The following ATP11A variants were observed in gnomAD, a reference collection of about 807,000 sequenced individuals.
The protein encoded by ATP11A is ATPase phospholipid transporting 11A.
In ATP11A, 81 loss-of-function variants were observed where a neutral mutation model predicts 154.4. The observed-to-expected ratio is 0.52, with a 90% CI of 0.44 to 0.63. The LOEUF is 0.63. Ranked by LOEUF, ATP11A falls within the 30% of genes least tolerant of loss-of-function variation. ATP11A has a pLI of 0.00. For missense variants in ATP11A, 1,316 were observed against 1,474.3 expected, an observed-to-expected ratio of 0.89 and a Z score of 1.76; for synonymous variants, 623 against 585.9, an observed-to-expected ratio of 1.06 and a Z score of -0.91.
At chr13:112,704,931 C>T (rs1886974208) in intron 1 of ATP11A, among the ~76,000 whole-genome samples, 1 of 152,140 alleles carries the variant, frequency 6.6e-6, no homozygotes, top group South Asian at 2.1e-4. Context: ...TCAGCGGGAC[C>T]CCTGGTGTGG....
intron 1 of ATP11A, among the ~76,000 whole-genome samples, chr13:112,726,349 G>C (rs1889890863): frequency 6.6e-6 from 1 of 151,570 alleles, no homozygotes; most frequent in African/African-American, 2.4e-5. Context: ...GGCACTGCAT[G>C]CGTGCAGGGA....
chr13:112,709,341 A>G (rs1031995374), intron 1 of ATP11A, among the ~76,000 whole-genome samples: 1 of 152,232 alleles, frequency 6.6e-6, no homozygotes, highest in African/African-American at 2.4e-5. Context: ...TTTCCTTGTC[A>G]TACCTTGAAA....
intron 2 of ATP11A, among the ~76,000 whole-genome samples, chr13:112,796,862 G>A (rs1357171275): frequency 2.0e-5 from 3 of 151,980 alleles, no homozygotes; most frequent in Admixed American, 6.6e-5. Flanking sequence ...CTGACGTGGT[G>A]TGCAAAGGAC....
chr13:112,873,799 C>A, intron 27 of ATP11A, 123 bp downstream of exon 27: 2 of 912,952 alleles, frequency 2.2e-6, no homozygotes, highest in Non-Finnish European at 3.4e-6. Context: ...TGTTGAATGG[C>A]TGCTGTGTGC....
At position 112,807,029 on chromosome 13, in the gene ATP11A, G is replaced by A. The variant is rs780607724; in HGVS notation, c.333+736G>A. Among the ~76,000 whole-genome samples the A allele has an allele frequency of 6.6e-6, 1 of 152,232 alleles. No homozygotes were observed. Among genetic ancestry groups the A allele is most frequent in the Non-Finnish European group, 1.5e-5 (1 of 68,040 alleles). On this transcript the variant is annotated intron_variant, in intron 4 of 29. Coordinates refer to ENST00000375645, the MANE Select transcript of ATP11A (RefSeq NM_015205.3). This position sits in a 1 kb window ranked among gnomAD's most constrained non-coding sequence, Gnocchi z 4.5. ...ATACCTGGCATTTTGTGTATCACGC[G>A]TCCTCTGTGGATGGACATTTGGGGT...
intron 25 of ATP11A, among the ~76,000 whole-genome samples, chr13:112,868,042 T>C (rs2080394476): frequency 6.6e-6 from 1 of 152,236 alleles, no homozygotes; most frequent in Non-Finnish European, 1.5e-5. Context: ...AGTTCACCAA[T>C]GGAGCATTTT....
chr13:112,729,455 G>A (rs1015239561), intron 1 of ATP11A, among the ~76,000 whole-genome samples: 2 of 150,356 alleles, frequency 1.3e-5, no homozygotes, highest in Admixed American at 6.6e-5. Flanking sequence ...TTCCCACCTC[G>A]GCATTGCAGG....
chr13:112,844,896 GCGGTACTAGTCCAGTTAC>G (rs1196219238), intron 17 of ATP11A, among the ~76,000 whole-genome samples: 4 of 151,428 alleles, frequency 2.6e-5, no homozygotes, highest in African/African-American at 4.9e-5. Context: ...CCGACTGCTA[GCGGTACTAGTCCAGTTAC>G]TGGGCACTAG....
At chr13:112,720,445 C>T (rs965587181) in intron 1 of ATP11A, among the ~76,000 whole-genome samples, 2 of 152,184 alleles carry the variant, frequency 1.3e-5, no homozygotes, top group African/African-American at 4.8e-5. Context: ...CTGTGGGGTG[C>T]GTTCACCTTC....
chr13:112,784,620 T>G (rs189766188), intron 1 of ATP11A, among the ~76,000 whole-genome samples: 66 of 152,028 alleles, frequency 4.3e-4, no homozygotes, highest in African/African-American at 1.5e-3. Flanking sequence ...CCTCCCGGGT[T>G]CACGCCATTC....
intron 20 of ATP11A, 139 bp from the exon 21 acceptor site, chr13:112,857,679 G>A (rs2079969613): frequency 4.4e-6 from 3 of 674,742 alleles, no homozygotes; most frequent in South Asian, 3.8e-5. Context: ...CAGACAGAAT[G>A]TCGTAAATTA....
chr13:112,819,509 G>A lies in ATP11A; in HGVS notation c.674+102G>A, dbSNP rs2078738435. The A allele has an allele frequency of 6.2e-6, 6 of 974,426 alleles. No homozygotes were observed. The East Asian group carries it at 1.5e-4, about 25-fold the overall frequency. 60.4% of individuals were successfully genotyped at this position (974,426 alleles called of 1,614,324 possible). A position where few individuals can be genotyped will look rare whatever the true frequency, so the allele number is the denominator to read the frequency against. On this transcript the variant is annotated intron_variant, in intron 7 of 29. Transcript: ENST00000375645. ...GTCCAGCCATGTGGTGGTTTGGAAA[G>A]AGAATGTAAATCACTGCTTAAAGAT...
At chr13:112,844,218 G>A (rs2079510177) in intron 17 of ATP11A, among the ~76,000 whole-genome samples, 2 of 152,200 alleles carry the variant, frequency 1.3e-5, no homozygotes, top group Non-Finnish European at 2.9e-5. Flanking sequence ...CATGGCCTGA[G>A]TACCAAATAT....
chr13:112,843,116 G>A (rs1285359663), intron 17 of ATP11A, among the ~76,000 whole-genome samples: 2 of 151,110 alleles, frequency 1.3e-5, no homozygotes, highest in Non-Finnish European at 1.5e-5. Context: ...GCCGAGCGAC[G>A]CATGGTTGGG....
At chr13:112,853,674 C>G (rs1011478007) in intron 18 of ATP11A, among the ~76,000 whole-genome samples, 5 of 152,190 alleles carry the variant, frequency 3.3e-5, no homozygotes, top group African/African-American at 1.2e-4. Context: ...AGCGTCCTTA[C>G]TCGTGACATC....
chr13:112,854,460 GA>G lies in ATP11A; in HGVS notation c.2174del (p.Asp725AlafsTer6). ...TKRIEEQSLH[D>X]VLFELSKTVL... Reference sequence around the variant, plus strand: ...GAGGATCGAGGAGCAGAGCCTGCACGACGTCCTGTTCGAGCTGAGCAAGACG... The same window carrying G: ...GAGGATCGAGGAGCAGAGCCTGCACGCGTCCTGTTCGAGCTGAGCAAGACG... On this transcript the variant is annotated frameshift_variant, in exon 19 of 30. Transcript: ENST00000375645. LOFTEE classifies it high-confidence loss of function. 6.2e-7 allele frequency: 1 copy of G among 1,612,748 alleles called. No homozygotes were observed. The highest frequency in any genetic ancestry group is 2.2e-5 in the East Asian group (1 of 44,860).
intron 1 of ATP11A, among the ~76,000 whole-genome samples, chr13:112,732,088 G>A (rs1033741846): frequency 6.6e-6 from 1 of 152,096 alleles, no homozygotes; most frequent in Non-Finnish European, 1.5e-5. Flanking sequence ...GCATGAGTTC[G>A]GTCCTGTCGG....
At chr13:112,836,286 T>C (rs778170818) in intron 16 of ATP11A, 35 bp downstream of exon 16, 6 of 1,366,126 alleles carry the variant, frequency 4.4e-6, no homozygotes, top group Non-Finnish European at 6.2e-6. Context: ...TATTAAGTTA[T>C]ACGTGGTGGT....
chr13:112,703,011 G>T (rs530031058), intron 1 of ATP11A, among the ~76,000 whole-genome samples: 1 of 152,366 alleles, frequency 6.6e-6, no homozygotes, highest in East Asian at 1.9e-4. Context: ...GCTTGTTGCT[G>T]AGATTACAAA....
Sources: allele counts gnomAD v4.1 joint callset (sites outside exome capture counted in the v4.1 genomes callset), GRCh38; gene constraint gnomAD v4.1.1; non-coding constraint Gnocchi (gnomAD v3.1); transcripts MANE v1.5; gene names NCBI Gene and HGNC (gene_info 2026-07-23, HGNC 2026-07-21).